The following RNGTT variants were observed in gnomAD, a reference collection of about 807,000 sequenced individuals.
The protein encoded by RNGTT is RNA guanylyltransferase and 5'-phosphatase.
Under a neutral mutation model 79.3 loss-of-function variants are expected in RNGTT, and 33 were observed. That is an observed-to-expected ratio of 0.42 (90% CI 0.32 to 0.56). The LOEUF (loss-of-function observed/expected upper bound fraction) is 0.56, where lower values mean the gene tolerates loss of function less well. Ranked by LOEUF, RNGTT falls within the 20% of genes least tolerant of loss-of-function variation. The pLI is 0.17. For synonymous variants in RNGTT, 222 were observed against 235.9 expected (o/e 0.94, Z 0.54); for missense variants, 497 against 739.1 (o/e 0.67, Z 3.80).
chr6:88,860,142 T>A (rs558297074), intron 8 of RNGTT, among the ~76,000 whole-genome samples: 22 of 152,284 alleles, frequency 1.4e-4, no homozygotes, highest in African/African-American at 5.3e-4. Flanking sequence ...GTAGTAACAA[T>A]AATTTTAGAG....
intron 14 of RNGTT, among the ~76,000 whole-genome samples, chr6:88,619,109 T>G (rs1000274903): frequency 1.3e-5 from 2 of 152,156 alleles, no homozygotes; most frequent in African/African-American, 4.8e-5. Context: ...TCAGGTTGGC[T>G]TCCATGTCTT....
In RNGTT at chr6:88,679,580, T is replaced by TA. The variant is rs915863967; in HGVS notation, c.1440-1162dup. On this transcript the variant is annotated intron_variant, in intron 13 of 15. Coordinates refer to ENST00000369485, the MANE Select transcript of RNGTT (RefSeq NM_003800.5). ...AATCAAACCAAATAGAGGTCTAATA[T>TA]AAAAAAATGGTAATGGTTATGGTCT... Among the ~76,000 whole-genome samples the TA allele has an allele frequency of 3.7e-4, 56 of 152,212 alleles. 1 individual carries two copies. Among genetic ancestry groups the TA allele is most frequent in the African/African-American group, 1.2e-3 (49 of 41,544 alleles).
chr6:88,771,315 G>GTGTGTATATATATA (rs1303688973), intron 12 of RNGTT, among the ~76,000 whole-genome samples: 72 of 62,038 alleles, frequency 1.2e-3, no homozygotes, highest in African/African-American at 3.4e-3. Context: ...GTGTGTGTGT[G>GTGTGTATATATATA]TATATATATA....
At chr6:88,656,695 G>C (rs1773990425) in intron 14 of RNGTT, among the ~76,000 whole-genome samples, 1 of 151,636 alleles carries the variant, frequency 6.6e-6, no homozygotes, top group Non-Finnish European at 1.5e-5. Flanking sequence ...TCTGGGAGTA[G>C]AGTCTCTGCC....
At chr6:88,790,149 C>A (rs1779358404) in intron 12 of RNGTT, among the ~76,000 whole-genome samples, 1 of 152,164 alleles carries the variant, frequency 6.6e-6, no homozygotes, top group Non-Finnish European at 1.5e-5. Context: ...GTTAACACAG[C>A]ATACAGCAAA....
At chr6:88,742,055 T>G (rs375123931) in intron 13 of RNGTT, among the ~76,000 whole-genome samples, 4 of 152,304 alleles carry the variant, frequency 2.6e-5, no homozygotes. Flanking sequence ...ATTAAATGCA[T>G]TTTCTTTTAC....
intron 13 of RNGTT, among the ~76,000 whole-genome samples, chr6:88,682,848 T>A (rs78131820): frequency 0.025 from 3,758 of 151,956 alleles, 139 homozygotes; most frequent in African/African-American, 0.085. Context: ...ACCAGAAAAA[T>A]CTCCATGTCT....
At chr6:88,872,472 T>C (rs1452520732) in intron 8 of RNGTT, among the ~76,000 whole-genome samples, 2 of 152,062 alleles carry the variant, frequency 1.3e-5, no homozygotes, top group South Asian at 2.1e-4. Flanking sequence ...GATAGCACAA[T>C]AGGGTGACTA....
chr6:88,925,024 G>GT (rs1381486200), intron 4 of RNGTT, among the ~76,000 whole-genome samples: 1 of 151,814 alleles, frequency 6.6e-6, no homozygotes, highest in African/African-American at 2.4e-5. Flanking sequence ...CCCACCTGTT[G>GT]TGTTTTTTTT....
chr6:88,762,270 C>T lies in RNGTT; in HGVS notation c.1439+7504G>A, dbSNP rs186464606. Reference sequence around the variant, plus strand: ...ATTTCCACATTGGCTGTCTGACCCACGGAATAAGGGTCATTATGCTAGGAA... The same window carrying T: ...ATTTCCACATTGGCTGTCTGACCCATGGAATAAGGGTCATTATGCTAGGAA... On this transcript the variant is annotated intron_variant, in intron 13 of 15. Transcript: ENST00000369485. 1.2e-4 allele frequency among the ~76,000 whole-genome samples: 19 copies of T among 152,246 alleles called. No individual in the cohort carries two copies. In the East Asian group the frequency reaches 2.3e-3, roughly 19 times the overall value.
At chr6:88,830,955 C>T (rs546964097) in intron 11 of RNGTT, among the ~76,000 whole-genome samples, 61 of 152,224 alleles carry the variant, frequency 4.0e-4, no homozygotes, top group African/African-American at 1.3e-3. Flanking sequence ...AATAGCCTAC[C>T]AACCAAAAAC....
intron 13 of RNGTT, among the ~76,000 whole-genome samples, chr6:88,758,880 A>T (rs1445371955): frequency 6.6e-6 from 1 of 152,100 alleles, no homozygotes; most frequent in Admixed American, 6.5e-5. Flanking sequence ...TATTTTATTT[A>T]TTTATTTTTT....
chr6:88,622,010 T>C (rs918874989), intron 14 of RNGTT, among the ~76,000 whole-genome samples: 1 of 152,186 alleles, frequency 6.6e-6, no homozygotes. Context: ...ATCTACTTTT[T>C]GTCATTTGTT....
At chr6:88,901,275 A>T (rs1321079368) in intron 6 of RNGTT, among the ~76,000 whole-genome samples, 1 of 152,126 alleles carries the variant, frequency 6.6e-6, no homozygotes, top group Non-Finnish European at 1.5e-5. Context: ...AAATTAGGAA[A>T]AAAACTCCAA....
chr6:88,845,078 T>A (rs1781442631), intron 10 of RNGTT, among the ~76,000 whole-genome samples: 1 of 152,112 alleles, frequency 6.6e-6, no homozygotes, highest in Non-Finnish European at 1.5e-5. Context: ...TTGAAACCCT[T>A]TAACAGTACC....
At chr6:88,760,647 T>C (rs1227734703) in intron 13 of RNGTT, among the ~76,000 whole-genome samples, 1 of 152,176 alleles carries the variant, frequency 6.6e-6, no homozygotes, top group Non-Finnish European at 1.5e-5. Context: ...TTCTTTAAAA[T>C]AATTTTTAAA....
chr6:88,868,866 T>G (rs1782264836), intron 8 of RNGTT, among the ~76,000 whole-genome samples: 1 of 152,208 alleles, frequency 6.6e-6, no homozygotes, highest in Non-Finnish European at 1.5e-5. Context: ...TACTCTCATG[T>G]TATTTCTATA....
chr6:88,963,477 T>C lies in RNGTT; in HGVS notation c.-68A>G. On this transcript the variant is annotated 5_prime_UTR_variant, in exon 1 of 16. Transcript: ENST00000369485. ...CCGCGCCTTTGGAGCCGCCTCCCCGTGGTCCGGTGCACACCGGGGTCCGAG... is the reference window on the plus strand; with the variant it reads ...CCGCGCCTTTGGAGCCGCCTCCCCGCGGTCCGGTGCACACCGGGGTCCGAG... The C allele has an allele frequency of 6.9e-7, 1 of 1,448,498 alleles. No individual in the cohort carries two copies. The highest frequency in any genetic ancestry group is 9.3e-7 in the Non-Finnish European group (1 of 1,078,958). 89.7% of individuals were successfully genotyped at this position (1,448,498 alleles called of 1,614,324 possible).
chr6:88,619,360 G>A (rs1186306381), intron 14 of RNGTT, among the ~76,000 whole-genome samples: 3 of 152,042 alleles, frequency 2.0e-5, no homozygotes, highest in Non-Finnish European at 4.4e-5. Flanking sequence ...TAGAGATGGG[G>A]TATCCCCATG....
Sources: allele counts gnomAD v4.1 joint callset (sites outside exome capture counted in the v4.1 genomes callset), GRCh38; gene constraint gnomAD v4.1.1; transcripts MANE v1.5; gene names NCBI Gene and HGNC (gene_info 2026-07-23, HGNC 2026-07-21).